Variants in MGRN1 observed in about 807,000 individuals in gnomAD.
MGRN1 encodes the protein E3 ubiquitin-protein ligase MGRN1.
A neutral mutation model predicts 69.2 loss-of-function variants in MGRN1; 29 were observed. The observed-to-expected ratio is 0.42, with a 90% CI of 0.31 to 0.57. The LOEUF (loss-of-function observed/expected upper bound fraction) is 0.57. Ranked by LOEUF, MGRN1 falls within the 20% of genes least tolerant of loss-of-function variation. The probability of loss-of-function intolerance (pLI) is 0.15; values close to 1 mark genes in which losing one functional copy is unlikely to be tolerated. For missense variants in MGRN1, 998 were observed against 796.2 expected (o/e 1.25, Z -3.05); for synonymous variants, 470 against 344.2 (o/e 1.37, Z -4.04).
chr16:4,657,417 T>G (rs534146431), intron 5 of MGRN1, 54 bp downstream of exon 5: 60 of 1,541,878 alleles, frequency 3.9e-5, no homozygotes, highest in Middle Eastern at 1.7e-4. Context: ...TTCTCTCCCC[T>G]TGGGGGTGGG....
intron 4 of MGRN1, among the ~76,000 whole-genome samples, chr16:4,653,762 T>C (rs1390912295): frequency 1.3e-5 from 2 of 151,320 alleles, no homozygotes; most frequent in East Asian, 3.9e-4. Context: ...TGGTTTTTGT[T>C]TGTTTTTGAG....
intron 1 of MGRN1, among the ~76,000 whole-genome samples, chr16:4,631,440 T>G (rs1897995585): frequency 6.6e-6 from 1 of 152,248 alleles, no homozygotes; most frequent in Non-Finnish European, 1.5e-5. Context: ...CTGGGGCATT[T>G]TTGCCCTCTC....
chr16:4,628,335 G>A (rs1276088824), intron 1 of MGRN1, among the ~76,000 whole-genome samples: 5 of 146,654 alleles, frequency 3.4e-5, no homozygotes, highest in African/African-American at 1.0e-4. Context: ...GCAGTGAGCC[G>A]AGATCACGCC....
intron 2 of MGRN1, among the ~76,000 whole-genome samples, 171 bp from the exon 3 acceptor site, chr16:4,651,792 G>A (rs959862449): frequency 3.3e-5 from 5 of 152,090 alleles, no homozygotes; most frequent in African/African-American, 1.2e-4. Context: ...TGCTGGCTGC[G>A]TGGCCTGCAG....
intron 1 of MGRN1, chr16:4,640,068 C>G (rs1482090895): frequency 6.6e-6 from 1 of 152,424 alleles, no homozygotes; most frequent in Non-Finnish European, 1.5e-5. Flanking sequence ...CCCGCCCTTC[C>G]AAGGTTGGCT....
At chr16:4,648,027 T>C (rs2078310603) in intron 1 of MGRN1, among the ~76,000 whole-genome samples, 1 of 152,106 alleles carries the variant, frequency 6.6e-6, no homozygotes, top group African/African-American at 2.4e-5. Context: ...ATGCAGCGCC[T>C]GAAGGTCTCA....
At chr16:4,633,760 C>A (rs1350285660) in intron 1 of MGRN1, 1 of 151,936 alleles carries the variant, frequency 6.6e-6, no homozygotes, top group African/African-American at 2.4e-5. Flanking sequence ...CTCTTTCTCC[C>A]AGGCCGGACT....
chr16:4,652,649 G>A (rs752328067), intron 3 of MGRN1, 29 bp from the exon 4 acceptor site: 9 of 1,588,620 alleles, frequency 5.7e-6, no homozygotes, highest in South Asian at 4.5e-5. Flanking sequence ...CCGCTGACCC[G>A]CTGCCTTTCT....
intron 11 of MGRN1, 68 bp downstream of exon 11, chr16:4,677,640 C>T: frequency 7.0e-7 from 1 of 1,437,200 alleles, no homozygotes; most frequent in East Asian, 2.3e-5. Flanking sequence ...AGGCGCAAGG[C>T]CCAGACGGTC....
At chr16:4,644,339 C>T (rs905386369) in intron 1 of MGRN1, among the ~76,000 whole-genome samples, 3 of 129,714 alleles carry the variant, frequency 2.3e-5, no homozygotes, top group African/African-American at 6.0e-5. Context: ...TGGAGTTTCA[C>T]TCTTGTTGTC....
chr16:4,676,073 C>T (rs749300413), intron 10 of MGRN1, among the ~76,000 whole-genome samples: 5 of 152,258 alleles, frequency 3.3e-5, no homozygotes, highest in East Asian at 1.9e-4. Flanking sequence ...ACCTCCAAGC[C>T]GGGCGTGGGG....
chr16:4,656,027 G>GC (rs1183325699), intron 4 of MGRN1, among the ~76,000 whole-genome samples: 4 of 152,152 alleles, frequency 2.6e-5, no homozygotes, highest in African/African-American at 9.7e-5. Flanking sequence ...TACAGTGGTG[G>GC]CCCCCCCACG....
chr16:4,639,330 C>T (rs1198690083), intron 1 of MGRN1, among the ~76,000 whole-genome samples: 1 of 152,108 alleles, frequency 6.6e-6, no homozygotes, highest in Admixed American at 6.6e-5. Flanking sequence ...GTGGTCCAGG[C>T]TGGCCTCACC....
chr16:4,666,513 C>G (rs1308876325), intron 7 of MGRN1, among the ~76,000 whole-genome samples: 1 of 152,178 alleles, frequency 6.6e-6, no homozygotes, highest in South Asian at 2.1e-4. Context: ...TTCTGTAGAG[C>G]CTGCTGCCAT....
intron 9 of MGRN1, 150 bp from the exon 10 acceptor site, chr16:4,673,348 T>C: frequency 9.4e-7 from 1 of 1,064,198 alleles, no homozygotes; most frequent in South Asian, 1.5e-5. Context: ...GATTCTGCTC[T>C]GGGGCAACCT....
chr16:4,636,946 C>T (rs539730956), intron 1 of MGRN1, among the ~76,000 whole-genome samples: 1 of 151,320 alleles, frequency 6.6e-6, no homozygotes, highest in Non-Finnish European at 1.5e-5. Context: ...GGTAAAACCC[C>T]GTCTCTACTA....
intron 16 of MGRN1, among the ~76,000 whole-genome samples, chr16:4,685,756 CT>C (rs2141987518): frequency 6.6e-6 from 1 of 152,368 alleles, no homozygotes; most frequent in South Asian, 2.1e-4. Context: ...CTATCCGTGT[CT>C]GTGCGTAAGG....
intron 1 of MGRN1, among the ~76,000 whole-genome samples, chr16:4,631,226 T>C (rs1596254393): frequency 1.3e-5 from 2 of 152,342 alleles, no homozygotes; most frequent in Admixed American, 1.3e-4. Flanking sequence ...GACTATCATC[T>C]TCCCATCAAA....
chr16:4,680,502 G>C (rs1006134185), intron 12 of MGRN1: 3 of 184,248 alleles, frequency 1.6e-5, no homozygotes, highest in African/African-American at 7.2e-5. Flanking sequence ...CTTGGGCTGA[G>C]CTTTTTGGTT....
Sources: allele counts gnomAD v4.1 joint callset (sites outside exome capture counted in the v4.1 genomes callset), GRCh38; gene constraint gnomAD v4.1.1; transcripts MANE v1.5; gene names NCBI Gene and HGNC (gene_info 2026-07-23, HGNC 2026-07-21).